Variants in ALG3 observed in about 807,000 individuals in gnomAD.
ALG3 encodes dol-P-Man:Man(5)GlcNAc(2)-PP-Dol alpha-1,3-mannosyltransferase.
Under a neutral mutation model 50.5 loss-of-function variants are expected in ALG3, and 39 were observed. That is an observed-to-expected ratio of 0.77 (90% CI 0.60 to 1.01). The LOEUF is 1.01. ALG3 is among the 50% of genes least tolerant of loss of function. The pLI is 0.00. For missense variants in ALG3, 520 were observed against 554.8 expected (o/e 0.94, Z 0.63); for synonymous variants, 252 against 237.2 (o/e 1.06, Z -0.58).
rs1179621355 is a variant in ALG3, at chr3:184,243,953, T to A, written c.770A>T (p.Tyr257Phe). The A allele has an allele frequency of 6.2e-7, 1 of 1,613,658 alleles. No homozygotes were observed. The highest frequency in any genetic ancestry group is 2.2e-5 in the East Asian group (1 of 44,878). Residue 257 changes from tyrosine (Y) to phenylalanine (F), a missense_variant, in exon 6 of 9, where the codon TAC (tyrosine) becomes TTC (phenylalanine). Coordinates refer to ENST00000397676, the MANE Select transcript of ALG3 (RefSeq NM_005787.6). ...LPFLLENPSG[Y>F]LSRSFDLGRQ... ...GCCAAGGTCAAAGGAGCGGGACAGG[T>A]AGCCGCTGGGGTTCTCCAGCAGGAA...
At chr3:184,245,845 G>A in intron 1 of ALG3, 33 bp from the exon 2 acceptor site, 1 of 1,571,574 alleles carries the variant, frequency 6.4e-7, no homozygotes, top group Non-Finnish European at 8.7e-7. Flanking sequence ...GGTTACTTCT[G>A]AGTCTAGAAC....
chr3:184,242,619 G>A lies in ALG3; in HGVS notation c.1212C>T (p.Cys404=). Residue 404 remains cysteine (C), a synonymous_variant, in exon 9 of 9, where the codon TGC becomes TGT. Transcript: ENST00000397676. ...GGCATATGTGCAGGGCAGCAGAGCTGCAGGATGTGGAAGGGTATGTGTTCC... is the reference window on the plus strand; with the variant it reads ...GGCATATGTGCAGGGCAGCAGAGCTACAGGATGTGGAAGGGTATGTGTTCC... The part of the protein sequence containing the change: ...LSWNTYPSTS[C]SSAALHICHA... The A allele has an allele frequency of 9.5e-6, 15 of 1,580,228 alleles. No individual in the cohort carries two copies. The highest frequency in any genetic ancestry group is 1.3e-5 in the Non-Finnish European group (15 of 1,159,696).
Position 184,245,523 on chromosome 3 carries a change from A to G in ALG3, c.389T>C (p.Val130Ala). ...DIRMAQNIFA[V>A]LYLATLLLVF... ...AAGCAGCAAGGTAGCCAGGTAGAGC[A>G]CAGCAAAGATGTTCTGGGCCATGCG... Residue 130 changes from valine (V) to alanine (A), a missense_variant, in exon 3 of 9, where the codon GTG (valine) becomes GCG (alanine). By Grantham distance (64) the Val-to-Ala change is moderately conservative (BLOSUM62 0). Transcript: ENST00000397676. 3.1e-6 allele frequency: 5 copies of G among 1,614,016 alleles called. No homozygotes were observed. The highest frequency in any genetic ancestry group is 4.2e-6 in the Non-Finnish European group (5 of 1,179,888).
At chr3:184,246,297 A>G (rs773834426) in intron 1 of ALG3, among the ~76,000 whole-genome samples, 1 of 152,140 alleles carries the variant, frequency 6.6e-6, no homozygotes, top group Non-Finnish European at 1.5e-5. Flanking sequence ...CTGCTACAAT[A>G]TATTTTCCAC....
In ALG3 at chr3:184,244,596, G is replaced by C. The variant is rs763451369; in HGVS notation, c.726+5C>G. The C allele has an allele frequency of 1.9e-6, 3 of 1,607,546 alleles. No homozygotes were observed. The highest frequency in any genetic ancestry group is 3.4e-5 in the Admixed American group (2 of 59,002). ...TTAGAAAGAGGAAGGGTGAGATGGG[G>C]GTACCTGAAGGCCAGCACAGATTCC... On this transcript the variant is annotated splice_donor_5th_base_variant and intron_variant, in intron 5 of 8. Coordinates refer to ENST00000397676, the MANE Select transcript of ALG3 (RefSeq NM_005787.6).
At chr3:184,243,027 GT>G in intron 7 of ALG3, 70 bp from the exon 8 acceptor site, 1 of 1,581,390 alleles carries the variant, frequency 6.3e-7, no homozygotes, top group Non-Finnish European at 8.6e-7. Flanking sequence ...AGGGGCAATA[GT>G]TTTTAGGTCA....
At chr3:184,246,419 AT>A (rs1719154169) in intron 1 of ALG3, among the ~76,000 whole-genome samples, 1 of 152,172 alleles carries the variant, frequency 6.6e-6, no homozygotes, top group African/African-American at 2.4e-5. Flanking sequence ...TATTATTCCC[AT>A]TTTTTGAAGG....
rs1369784574 is a variant in ALG3 at position 184,248,831 on chromosome 3, C to T, written c.110G>A (p.Arg37Gln). ...CACCAGCAGCGTGTAGCGCGGCTCC[C>T]GCAGCAGCAGGCGCCGCTCTTGCCA... ...RAWQERRLLLREPRYTLLVAA... is the reference protein window; with the variant it reads ...RAWQERRLLLQEPRYTLLVAA... Residue 37 changes from arginine (R) to glutamine (Q), a missense_variant, in exon 1 of 9, where the codon CGG becomes CAG. Physicochemically the swap from Arg to Gln is conservative, Grantham distance 43 (BLOSUM62 1). Transcript: ENST00000397676. The T allele has an allele frequency of 6.2e-7, 1 of 1,608,690 alleles. No homozygotes were observed. The highest frequency in any genetic ancestry group is 8.5e-7 in the Non-Finnish European group (1 of 1,177,668).
chr3:184,242,349 A>C lies in ALG3; in HGVS notation c.*165T>G. 1.1e-6 allele frequency: 1 copy of C among 900,114 alleles called. No individual in the cohort carries two copies. Among genetic ancestry groups the C allele is most frequent in the Non-Finnish European group, 1.8e-6 (1 of 561,068 alleles). The allele number at this position is 900,114 out of a possible 1,614,324, so 55.8% of individuals were successfully genotyped here. ...TTAGGACTGCTTGAGTGAATTCTTTATCTGCTCCATACGTGTCCCTCACAG... is the reference window on the plus strand; with the variant it reads ...TTAGGACTGCTTGAGTGAATTCTTTCTCTGCTCCATACGTGTCCCTCACAG... On this transcript the variant is annotated 3_prime_UTR_variant, in exon 9 of 9. Transcript: ENST00000397676.
intron 4 of ALG3, 83 bp from the exon 5 acceptor site, chr3:184,244,804 A>T: frequency 6.6e-7 from 1 of 1,507,568 alleles, no homozygotes. Flanking sequence ...CCCCACCATC[A>T]CCACAGCAAC....
Position 184,248,802 on chromosome 3 carries a change from C to A in ALG3, c.139G>T (p.Ala47Ser), listed in dbSNP as rs1045596207. 3 of 1,604,654 alleles carry A rather than the reference C, an allele frequency of 1.9e-6. No homozygotes were observed. Among genetic ancestry groups the A allele is most frequent in the East Asian group, 4.5e-5 (2 of 44,574 alleles). The change falls in exon 1 of 9, where the codon GCC becomes TCC. Residue 47 changes from alanine to serine, a missense_variant. Ala to Ser is a moderately conservative substitution (Grantham distance 99, BLOSUM62 1). Coordinates refer to ENST00000397676, the MANE Select transcript of ALG3 (RefSeq NM_005787.6). ...CCCACCTCCGCCAGGCAGAGGCAGG[C>A]GGCCACCAGCAGCGTGTAGCGCGGC... ...REPRYTLLVAACLCLAEVGIT... is the reference protein window; with the variant it reads ...REPRYTLLVASCLCLAEVGIT...
chr3:184,242,525 T>C lies in ALG3; in HGVS notation c.1306A>G (p.Lys436Glu), dbSNP rs1217994522. ...GAAAGGGGTGGACTTCAGTGGGCTT[T>C]CTTGCTGTGTTGGGTGCTCTTGGGG... Reference protein sequence around the residue: ...PFPKSTQHSKKAH With the variant: ...PFPKSTQHSKEAH The change falls in exon 9 of 9, where the codon AAA becomes GAA. Residue 436 changes from lysine (K) to glutamate (E), a missense_variant. Lys to Glu is a moderately conservative substitution (Grantham distance 56). Transcript: ENST00000397676. 1 of 1,612,822 alleles carries C rather than the reference T, an allele frequency of 6.2e-7. No individual in the cohort carries two copies. Among genetic ancestry groups the C allele is most frequent in the East Asian group, 2.2e-5 (1 of 44,836 alleles).
At chr3:184,244,118 A>G in intron 5 of ALG3, 122 bp from the exon 6 acceptor site, 1 of 1,002,326 alleles carries the variant, frequency 1.0e-6, no homozygotes, top group South Asian at 1.7e-5. Context: ...AATTCCCACT[A>G]GAAATAGCAG....
At position 184,242,842 on chromosome 3, in the gene ALG3, C is replaced by A; in HGVS notation, c.1125G>T (p.Met375Ile). 1 of 1,613,926 alleles carries A rather than the reference C, an allele frequency of 6.2e-7. No homozygotes were observed. The highest frequency in any genetic ancestry group is 8.5e-7 in the Non-Finnish European group (1 of 1,179,898). The change falls in exon 8 of 9, where the codon ATG (methionine) becomes ATT (isoleucine). Residue 375 changes from methionine (M) to isoleucine (I), a missense_variant. Physicochemically the swap from Met to Ile is conservative, Grantham distance 10. This residue lies in a region of ALG3 where 224 missense variants were observed against 272.8 expected (regional missense o/e 0.82). Transcript: ENST00000397676. ...FHTLPYLLWA[M>I]PARWLTHLLR... Reference sequence around the variant, plus strand: ...GCAGGTGTGTGAGCCAGCGTGCAGGCATGGCCCACAGGAGGTAGGGCAGTG... The same window carrying A: ...GCAGGTGTGTGAGCCAGCGTGCAGGAATGGCCCACAGGAGGTAGGGCAGTG...
rs1719320280 is a variant in ALG3, at chr3:184,248,653, G to C, written c.196+92C>G. On this transcript the variant is annotated intron_variant, in intron 1 of 8. Transcript: ENST00000397676. ...CGCAATTGACGAGTGAGTGGATACA[G>C]AGTCTGGTTTGGAGTTCCAGGTCTG... 4 of 1,182,194 alleles carry C rather than the reference G, an allele frequency of 3.4e-6. No homozygotes were observed. The South Asian group carries it at 6.2e-5, about 18-fold the overall frequency. The allele number at this position is 1,182,194 out of a possible 1,614,324, so 73.2% of individuals were successfully genotyped here.
chr3:184,242,645 AG>A lies in ALG3; in HGVS notation c.1185del (p.Trp396GlyfsTer72). On this transcript the variant is annotated frameshift_variant, in exon 9 of 9. Transcript: ENST00000397676. LOFTEE classifies it high-confidence loss of function. ...CAGGATGTGGAAGGGTATGTGTTCC[AG>A]GAGAGCTCGATGAGCCCCAGCACCA... is the stretch of plus-strand genomic sequence containing the variant. ...RLLVLGLIEL[S>X]WNTYPSTSCS... 6.4e-7 allele frequency: 1 copy of A among 1,564,392 alleles called. No homozygotes were observed. The highest frequency in any genetic ancestry group is 1.7e-4 in the Middle Eastern group (1 of 5,834).
intron 4 of ALG3, 102 bp downstream of exon 4, chr3:184,245,096 C>T: frequency 6.9e-7 from 1 of 1,456,800 alleles, no homozygotes; most frequent in Non-Finnish European, 9.4e-7. Flanking sequence ...CCTGAGTGAC[C>T]CATGCTGTCT....
chr3:184,248,668 T>C (rs1719321823), intron 1 of ALG3, 77 bp downstream of exon 1: 3 of 1,341,138 alleles, frequency 2.2e-6, no homozygotes, highest in African/African-American at 2.9e-5. Context: ...TGGTTTGGAG[T>C]TCCAGGTCTG....
At chr3:184,242,714 G>C (rs189386010) in intron 8 of ALG3, 38 bp from the exon 9 acceptor site, 3 of 1,571,516 alleles carry the variant, frequency 1.9e-6, no homozygotes, top group Non-Finnish European at 1.7e-6. Flanking sequence ...TCATCCAGTT[G>C]CAAGGCCTGC....
Sources: gnomAD v4.1 joint callset for allele counts (sites outside exome capture counted in the v4.1 genomes callset) on GRCh38, gnomAD v4.1.1 for gene constraint, gnomAD v4.1.1 regional missense constraint, MANE v1.5 for transcripts, NCBI Gene and HGNC (gene_info 2026-07-23, HGNC 2026-07-21) for gene names.